The following DLC1 variants were observed in gnomAD, a reference collection of about 807,000 sequenced individuals.
The protein encoded by DLC1 is DLC1 Rho GTPase activating protein.
Under a neutral mutation model 140.3 loss-of-function variants are expected in DLC1, and 54 were observed. The ratio of observed to expected loss-of-function variants is 0.38; its 90% confidence interval spans 0.31 to 0.48. The LOEUF (loss-of-function observed/expected upper bound fraction) is 0.48, where lower values mean the gene tolerates loss of function less well. Among genes scored for constraint, DLC1 ranks in the 20% least tolerant of loss-of-function variants. DLC1 has a pLI of 0.96. For synonymous variants in DLC1, 986 were observed against 728.1 expected (o/e 1.35, Z -5.70); for missense variants, 2,536 against 1,907.0 (o/e 1.33, Z -6.14).
At chr8:13,457,774 C>G (rs776334376) in intron 2 of DLC1, among the ~76,000 whole-genome samples, 1 of 151,744 alleles carries the variant, frequency 6.6e-6, no homozygotes, top group Non-Finnish European at 1.5e-5. Context: ...TTTAGCAGCC[C>G]TGATTCCCGA....
At chr8:13,283,000 A>G (rs1831416258) in intron 5 of DLC1, among the ~76,000 whole-genome samples, 1 of 152,210 alleles carries the variant, frequency 6.6e-6, no homozygotes, top group Non-Finnish European at 1.5e-5. Context: ...ACAATTATCA[A>G]CCATCTCAAA....
chr8:13,369,436 G>C (rs11785676), intron 4 of DLC1, among the ~76,000 whole-genome samples: 9,359 of 150,314 alleles, frequency 0.062, 342 homozygotes, highest in Non-Finnish European at 0.081. Flanking sequence ...TAAATCACAT[G>C]GGCAATTTTC....
intron 2 of DLC1, among the ~76,000 whole-genome samples, chr8:13,466,218 A>G (rs779958753): frequency 1.3e-5 from 2 of 152,174 alleles, no homozygotes; most frequent in Non-Finnish European, 2.9e-5. Context: ...GCCATCATCC[A>G]CAGGTCACTT....
chr8:13,205,154 G>T (rs987235971), intron 5 of DLC1, among the ~76,000 whole-genome samples: 1 of 152,108 alleles, frequency 6.6e-6, no homozygotes, highest in African/African-American at 2.4e-5. Context: ...GGAAAACAGA[G>T]TTCATTTCAG....
intron 5 of DLC1, among the ~76,000 whole-genome samples, chr8:13,296,008 A>G (rs960629596): frequency 2.6e-5 from 3 of 117,298 alleles, no homozygotes; most frequent in Non-Finnish European, 3.2e-5. Context: ...GCTGGAGTGC[A>G]GTAGGGCGAT....
intron 5 of DLC1, among the ~76,000 whole-genome samples, chr8:13,148,627 C>G (rs926993488): frequency 1.3e-5 from 2 of 151,990 alleles, no homozygotes; most frequent in East Asian, 1.9e-4. Context: ...GGCATTTCCT[C>G]CTTGGTAACA....
At chr8:13,272,583 T>G (rs971174227) in intron 5 of DLC1, among the ~76,000 whole-genome samples, 3 of 152,068 alleles carry the variant, frequency 2.0e-5, no homozygotes, top group Non-Finnish European at 2.9e-5. Context: ...TTTAACTGGC[T>G]GGGTGCGGTG....
chr8:13,093,339 T>G (rs1818242922), intron 12 of DLC1, among the ~76,000 whole-genome samples: 1 of 152,034 alleles, frequency 6.6e-6, no homozygotes, highest in South Asian at 2.1e-4. Context: ...CTTCTTGAAG[T>G]GGGAAAAGCT....
intron 10 of DLC1, among the ~76,000 whole-genome samples, chr8:13,098,091 CCCA>C (rs1437426826): frequency 1.3e-5 from 2 of 150,724 alleles, no homozygotes; most frequent in African/African-American, 4.9e-5. Context: ...CAACTGTAGT[CCCA>C]CCTACTCAGG....
At chr8:13,547,084 A>C (rs914324362) in intron 1 of DLC1, among the ~76,000 whole-genome samples, 3 of 152,120 alleles carry the variant, frequency 2.0e-5, no homozygotes, top group African/African-American at 4.8e-5. Flanking sequence ...GATTTAAATG[A>C]TGTGGAAAAT....
chr8:13,413,247 T>C (rs924349809), intron 2 of DLC1, among the ~76,000 whole-genome samples: 2 of 134,870 alleles, frequency 1.5e-5, no homozygotes, highest in African/African-American at 5.6e-5. Flanking sequence ...ATTATGAGAT[T>C]TTTTTGCGAT....
At chr8:13,426,374 T>G (rs7845783) in intron 2 of DLC1, among the ~76,000 whole-genome samples, 1 of 152,028 alleles carries the variant, frequency 6.6e-6, no homozygotes, top group East Asian at 1.9e-4. Context: ...TAGATGCACA[T>G]GTTTTTATTA....
rs1403462382 is a variant in DLC1 at position 13,499,965 on chromosome 8, A to G, written c.107T>C (p.Val36Ala). 14 of 1,613,972 alleles carry G rather than the reference A, an allele frequency of 8.7e-6. No homozygotes were observed. The highest frequency in any genetic ancestry group is 1.3e-5 in the African/African-American group (1 of 74,928). ...CATACTTGCCTGCAAGCTGTCAGCT[A>G]CTAGTCCATGATGACATGCTGTGTT... The part of the protein sequence containing the change: ...DRNTACHHGL[V>A]ADSLQASMEK... The change falls in exon 2 of 18, where the codon GTA becomes GCA. Residue 36 changes from valine to alanine, a missense_variant. By Grantham distance (64) the Val-to-Ala change is moderately conservative. Coordinates refer to ENST00000276297, the MANE Select transcript of DLC1 (RefSeq NM_182643.3).
At chr8:13,519,883 C>T (rs941199153), upstream of DLC1, among the ~76,000 whole-genome samples, 6 of 152,208 alleles carry the variant, frequency 3.9e-5, no homozygotes, top group Non-Finnish European at 5.9e-5. Context: ...TGCTCATCAT[C>T]TCTGGTAATT....
chr8:13,109,368 G>C (rs1819870830), intron 7 of DLC1, among the ~76,000 whole-genome samples: 1 of 151,878 alleles, frequency 6.6e-6, no homozygotes. Flanking sequence ...ACCAGCCTGA[G>C]CAACACAGCA....
At chr8:13,284,930 A>T (rs1285038661) in intron 5 of DLC1, among the ~76,000 whole-genome samples, 1 of 152,202 alleles carries the variant, frequency 6.6e-6, no homozygotes, top group Non-Finnish European at 1.5e-5. Flanking sequence ...TGAAGACAAT[A>T]TTGCTAGGTT....
chr8:13,527,697 T>G (rs1446521676), intron 1 of DLC1, among the ~76,000 whole-genome samples: 1 of 152,160 alleles, frequency 6.6e-6, no homozygotes, highest in African/African-American at 2.4e-5. Context: ...GAATATTATA[T>G]TTTCCTGTAA....
At chr8:13,430,120 C>T (rs779756364) in intron 2 of DLC1, among the ~76,000 whole-genome samples, 8 of 152,142 alleles carry the variant, frequency 5.3e-5, no homozygotes, top group Admixed American at 1.3e-4. Flanking sequence ...TTATAAAATT[C>T]TCTAAGTTAG....
At chr8:13,482,355 T>C (rs1282196548) in intron 2 of DLC1, among the ~76,000 whole-genome samples, 1 of 133,492 alleles carries the variant, frequency 7.5e-6, no homozygotes, top group East Asian at 2.1e-4. Flanking sequence ...AGAGAGAGAG[T>C]TTAACTTTTC....
Sources: gnomAD v4.1 joint callset for allele counts (sites outside exome capture counted in the v4.1 genomes callset) on GRCh38, gnomAD v4.1.1 for gene constraint, MANE v1.5 for transcripts, NCBI Gene and HGNC (gene_info 2026-07-23, HGNC 2026-07-21) for gene names.